The following ARHGEF4 variants were observed in gnomAD, a reference collection of about 807,000 sequenced individuals.
ARHGEF4 encodes the protein APC-stimulated guanine nucleotide exchange factor 1.
A neutral mutation model predicts 162.0 loss-of-function variants in ARHGEF4; 119 were observed. The observed-to-expected ratio is 0.73, with a 90% CI of 0.63 to 0.86. The LOEUF is 0.86. Among genes scored for constraint, ARHGEF4 ranks in the 40% least tolerant of loss-of-function variants. The pLI, the probability that ARHGEF4 is intolerant of heterozygous loss-of-function variation, is 0.00. For synonymous variants in ARHGEF4, 1,014 were observed against 979.9 expected, an observed-to-expected ratio of 1.03 and a Z score of -0.65; for missense variants, 2,488 against 2,456.0, an observed-to-expected ratio of 1.01 and a Z score of -0.28.
intron 1 of ARHGEF4, among the ~76,000 whole-genome samples, chr2:130,871,979 C>T (rs531124483): frequency 1.3e-5 from 2 of 152,348 alleles, no homozygotes; most frequent in South Asian, 2.1e-4. Context: ...AGCTGTGAGC[C>T]TCAGGTGAGC....
intron 6 of ARHGEF4, 199 bp downstream of exon 6, chr2:131,039,231 G>T: frequency 7.9e-7 from 1 of 1,264,222 alleles, no homozygotes; most frequent in East Asian, 2.6e-5. Flanking sequence ...GTGAGCCCTC[G>T]GGGGCCAGAG....
At chr2:130,966,155 A>G (rs1573471324) in intron 4 of ARHGEF4, among the ~76,000 whole-genome samples, 1 of 152,176 alleles carries the variant, frequency 6.6e-6, no homozygotes, top group East Asian at 1.9e-4. Context: ...ATTTAAAGTC[A>G]CCTCTTCATC....
rs566923818 is a variant in ARHGEF4 at position 130,884,664 on chromosome 2, C to T, written c.40-29322C>T. Among the ~76,000 whole-genome samples the T allele has an allele frequency of 1.6e-4, 25 of 152,214 alleles. No homozygotes were observed. In the South Asian group the frequency reaches 4.2e-3, roughly 25 times the overall value. ...TGGACGAAGTAAAACATTTAGAAAG[C>T]GATAACAAGTAACCATGATACAAAG... On this transcript the variant is annotated intron_variant, in intron 1 of 13. Coordinates refer to ENST00000409359, the MANE Select transcript of ARHGEF4 (RefSeq NM_001367493.1).
chr2:131,001,527 A>G lies in ARHGEF4; in HGVS notation c.3986-26418A>G, dbSNP rs749143758. 2.6e-5 allele frequency among the ~76,000 whole-genome samples: 4 copies of G among 152,276 alleles called. No homozygotes were observed. The East Asian group carries it at 7.7e-4, about 29-fold the overall frequency. On this transcript the variant is annotated intron_variant, in intron 4 of 13. Coordinates refer to ENST00000409359, the MANE Select transcript of ARHGEF4 (RefSeq NM_001367493.1). Reference sequence around the variant, plus strand: ...TGGCAGATGCGTTGTGTGAATGCCAAGTATTGGTGAGGATGTACAGGGTCC... The same window carrying G: ...TGGCAGATGCGTTGTGTGAATGCCAGGTATTGGTGAGGATGTACAGGGTCC...
intron 1 of ARHGEF4, among the ~76,000 whole-genome samples, chr2:130,884,939 A>C (rs1442601595): frequency 1.3e-5 from 2 of 152,180 alleles, no homozygotes; most frequent in Non-Finnish European, 2.9e-5. Context: ...CAATAAATGA[A>C]GACAAAATCT....
intron 2 of ARHGEF4, among the ~76,000 whole-genome samples, chr2:130,923,614 C>T (rs1402801850): frequency 6.6e-6 from 1 of 152,184 alleles, no homozygotes. Context: ...CACAGCAGGA[C>T]AGCATGCAGC....
chr2:131,046,284 T>C lies in ARHGEF4; in HGVS notation c.*95T>C. 7.6e-6 allele frequency: 10 copies of C among 1,311,882 alleles called. No homozygotes were observed. The highest frequency in any genetic ancestry group is 1.0e-5 in the Non-Finnish European group (10 of 953,398). The allele number at this position is 1,311,882 out of a possible 1,614,324, so 81.3% of individuals were successfully genotyped here. A position where few individuals can be genotyped will look rare whatever the true frequency, so the allele number is the denominator to read the frequency against. On this transcript the variant is annotated 3_prime_UTR_variant, in exon 14 of 14. Coordinates refer to ENST00000409359, the MANE Select transcript of ARHGEF4 (RefSeq NM_001367493.1). ...CCACTCGGCCTGGCCTTCCTCTGCC[T>C]GCAAGTGAGCAGGGATGGGCTGGGG...
chr2:130,992,700 A>G (rs1005307066), intron 4 of ARHGEF4, among the ~76,000 whole-genome samples: 6 of 152,250 alleles, frequency 3.9e-5, no homozygotes, highest in African/African-American at 1.2e-4. Context: ...TTCTGGACAC[A>G]GTATCAGTGC....
intron 1 of ARHGEF4, among the ~76,000 whole-genome samples, chr2:130,880,454 G>C (rs1056367300): frequency 2.0e-5 from 3 of 152,194 alleles, no homozygotes; most frequent in African/African-American, 7.2e-5. Context: ...GGAGACCTGG[G>C]ACAGGGATAG....
intron 4 of ARHGEF4, among the ~76,000 whole-genome samples, chr2:130,971,367 C>T (rs1315830743): frequency 6.6e-6 from 1 of 152,114 alleles, no homozygotes; most frequent in Non-Finnish European, 1.5e-5. Context: ...TTAGAACCAA[C>T]TTGTCAATAT....
intron 1 of ARHGEF4, among the ~76,000 whole-genome samples, chr2:130,907,833 A>G (rs997049584): frequency 6.6e-6 from 1 of 151,542 alleles, no homozygotes; most frequent in Non-Finnish European, 1.5e-5. Context: ...GCATGCACCT[A>G]TAGTCCCAGC....
At chr2:130,960,345 T>C (rs1684557178) in intron 4 of ARHGEF4, among the ~76,000 whole-genome samples, 2 of 152,194 alleles carry the variant, frequency 1.3e-5, no homozygotes, top group Admixed American at 6.5e-5. Context: ...TTCCTATGTT[T>C]TGATTTGTTT....
intron 4 of ARHGEF4, among the ~76,000 whole-genome samples, chr2:130,994,990 T>C (rs539075163): frequency 6.6e-6 from 1 of 152,254 alleles, no homozygotes; most frequent in Non-Finnish European, 1.5e-5. Flanking sequence ...TTCAGCAGTC[T>C]TAAAGATGTG....
intron 1 of ARHGEF4, among the ~76,000 whole-genome samples, chr2:130,857,004 C>T (rs578198416): frequency 3.4e-4 from 51 of 152,150 alleles, no homozygotes; most frequent in African/African-American, 1.1e-3. Flanking sequence ...GGGTGGATCA[C>T]GAGGTCAGGA....
chr2:130,934,039 T>G (rs1310937198), intron 3 of ARHGEF4, among the ~76,000 whole-genome samples: 1 of 152,228 alleles, frequency 6.6e-6, no homozygotes, highest in East Asian at 1.9e-4. Context: ...TTCACTATTG[T>G]GTATGATGTT....
At chr2:131,013,363 G>A (rs971167606) in intron 4 of ARHGEF4, among the ~76,000 whole-genome samples, 2 of 152,216 alleles carry the variant, frequency 1.3e-5, no homozygotes, top group Admixed American at 1.3e-4. Context: ...GTCAGCTAGA[G>A]TGTGCACTGG....
chr2:130,897,918 C>T lies in ARHGEF4; in HGVS notation c.40-16068C>T, dbSNP rs780295831. Reference sequence around the variant, plus strand: ...GTGAAGGCTGCAGATTGGCAAATACCGGGCGACAGAAACTATTTTAGCTGC... The same window carrying T: ...GTGAAGGCTGCAGATTGGCAAATACTGGGCGACAGAAACTATTTTAGCTGC... On this transcript the variant is annotated intron_variant, in intron 1 of 13. Coordinates refer to ENST00000409359, the MANE Select transcript of ARHGEF4 (RefSeq NM_001367493.1). 1.1e-3 allele frequency among the ~76,000 whole-genome samples: 163 copies of T among 152,272 alleles called. 1 individual carries two copies. Among genetic ancestry groups the T allele is most frequent in the African/African-American group, 3.2e-3 (131 of 41,556 alleles).
intron 4 of ARHGEF4, among the ~76,000 whole-genome samples, chr2:130,960,220 A>G (rs1684549025): frequency 6.6e-6 from 1 of 151,876 alleles, no homozygotes; most frequent in Non-Finnish European, 1.5e-5. Flanking sequence ...CACTATGTAG[A>G]CTTTATAAAC....
At chr2:130,879,970 A>G (rs1679090299) in intron 1 of ARHGEF4, among the ~76,000 whole-genome samples, 1 of 152,080 alleles carries the variant, frequency 6.6e-6, no homozygotes, top group Admixed American at 6.5e-5. Context: ...GTGTGTATAT[A>G]CCACGTTTTC....
Sources: gnomAD v4.1 joint callset for allele counts (sites outside exome capture counted in the v4.1 genomes callset) on GRCh38, gnomAD v4.1.1 for gene constraint, MANE v1.5 for transcripts, NCBI Gene and HGNC (gene_info 2026-07-23, HGNC 2026-07-21) for gene names.